The following ZNF676 variants were observed in gnomAD, a reference collection of about 807,000 sequenced individuals.
ZNF676 encodes zinc finger protein 676.
In ZNF676, 4 loss-of-function variants were observed where a neutral mutation model predicts 6.0. The ratio of observed to expected loss-of-function variants is 0.67; its 90% CI spans 0.33 to 1.53. The LOEUF is 1.53. Ranked by LOEUF, ZNF676 falls within the 40% of genes most tolerant of loss-of-function variation. The pLI, the probability that ZNF676 is intolerant of heterozygous loss-of-function variation, is 0.06. For synonymous variants in ZNF676, 198 were observed against 223.1 expected (o/e 0.89, Z 1.00); for missense variants, 644 against 679.7 (o/e 0.95, Z 0.58).
chr19:22,198,511 G>C (rs10409861), upstream of ZNF676, among the ~76,000 whole-genome samples: 687 of 152,136 alleles, frequency 4.5e-3, 5 homozygotes, highest in African/African-American at 0.016. Context: ...ACATGTTTAG[G>C]TGAAAAAGAA....
intron 2 of ZNF676, 48 bp from the exon 3 acceptor site, chr19:22,181,634 T>A: frequency 7.2e-7 from 1 of 1,386,738 alleles, no homozygotes; most frequent in Non-Finnish European, 9.5e-7. Context: ...TAGACTCAGA[T>A]AAGTACAGTT....
the ZNF676 span, among the ~76,000 whole-genome samples, chr19:22,238,755 T>C: frequency 6.6e-6 from 1 of 152,170 alleles, no homozygotes; most frequent in African/African-American, 2.4e-5. Context: ...CCACTCCAAG[T>C]TCCAAAACTG....
chr19:22,241,992 T>A, the ZNF676 span, among the ~76,000 whole-genome samples: 1 of 151,872 alleles, frequency 6.6e-6, no homozygotes, highest in African/African-American at 2.4e-5. Context: ...GGGCCTGTGA[T>A]GACACTCTCT....
chr19:22,236,528 G>A, the ZNF676 span, among the ~76,000 whole-genome samples: 1 of 152,226 alleles, frequency 6.6e-6, no homozygotes, highest in African/African-American at 2.4e-5. Flanking sequence ...AAAGGCCAGA[G>A]ATCTCCTTGG....
the ZNF676 span, among the ~76,000 whole-genome samples, chr19:22,235,737 C>G: frequency 6.6e-6 from 1 of 152,140 alleles, no homozygotes; most frequent in Non-Finnish European, 1.5e-5. Context: ...CGATAGAGGT[C>G]TCTTTGAATA....
At chr19:22,251,967 T>C in the ZNF676 span, among the ~76,000 whole-genome samples, 1 of 152,344 alleles carries the variant, frequency 6.6e-6, no homozygotes, top group South Asian at 2.1e-4. Flanking sequence ...TTGTGGATTA[T>C]ATTGTTGTTG....
intron 1 of ZNF676, among the ~76,000 whole-genome samples, chr19:22,195,337 C>T (rs575388671): frequency 1.3e-5 from 2 of 152,262 alleles, no homozygotes; most frequent in East Asian, 3.9e-4. Flanking sequence ...CGTCTTGGCA[C>T]ATTTTGGGTC....
the ZNF676 span, among the ~76,000 whole-genome samples, chr19:22,221,909 A>G: frequency 1.3e-5 from 2 of 152,020 alleles, no homozygotes; most frequent in Non-Finnish European, 2.9e-5. Flanking sequence ...GTTTAAGACC[A>G]TTGTTTTTTG....
In ZNF676 at chr19:22,179,856, T is replaced by A; in HGVS notation, c.*94A>T. On this transcript the variant is annotated 3_prime_UTR_variant, in exon 3 of 3. Coordinates refer to ENST00000397121, the MANE Select transcript of ZNF676 (RefSeq NM_001001411.3). ...AGGACTGTTTAAAAGCTTTGCCACA[T>A]TCTTCACCTTTGTAGATTTTCTCTC... 1 of 1,395,106 alleles carries A rather than the reference T, an allele frequency of 7.2e-7. No individual in the cohort carries two copies. The allele number at this position is 1,395,106 out of a possible 1,614,324, so 86.4% of individuals were successfully genotyped here.
upstream of ZNF676, among the ~76,000 whole-genome samples, chr19:22,220,364 C>G (rs1330428585): frequency 6.6e-6 from 1 of 151,556 alleles, no homozygotes; most frequent in Admixed American, 6.6e-5. Context: ...TTTTCTCTAT[C>G]TTTTGGAATA....
intron 2 of ZNF676, among the ~76,000 whole-genome samples, chr19:22,188,554 A>G (rs2023867030): frequency 6.6e-6 from 1 of 152,198 alleles, no homozygotes; most frequent in South Asian, 2.1e-4. Context: ...TCAAATAGGA[A>G]AAGAGGAAGT....
chr19:22,210,837 G>A (rs1489833725), intron 1 of ZNF676, among the ~76,000 whole-genome samples: 4 of 152,054 alleles, frequency 2.6e-5, no homozygotes, highest in South Asian at 2.1e-4. Context: ...CTCTCAGTCC[G>A]AGCCACCATA....
chr19:22,203,149 CAGG>C (rs1213349025), intron 1 of ZNF676: 2 of 184,176 alleles, frequency 1.1e-5, no homozygotes, highest in East Asian at 1.9e-4. Flanking sequence ...GCCTGAGCAG[CAGG>C]AGGAGAGCCT....
chr19:22,193,851 G>A (rs1340521320), intron 1 of ZNF676, among the ~76,000 whole-genome samples: 1 of 152,140 alleles, frequency 6.6e-6, no homozygotes, highest in Admixed American at 6.6e-5. Context: ...AAAAGCTAGT[G>A]TGGTTAATAA....
intron 2 of ZNF676, among the ~76,000 whole-genome samples, chr19:22,186,679 T>A (rs1184890239): frequency 1.3e-5 from 2 of 152,112 alleles, no homozygotes; most frequent in African/African-American, 2.4e-5. Context: ...AATAAATTGA[T>A]GGAGGAATAT....
the ZNF676 span, among the ~76,000 whole-genome samples, chr19:22,235,009 AAAG>A: frequency 0.066 from 7,962 of 120,032 alleles, 489 homozygotes; most frequent in South Asian, 0.087. Flanking sequence ...AGAAAGAAAG[AAAG>A]AAAGAAAGAA....
At chr19:22,250,265 G>T in the ZNF676 span, among the ~76,000 whole-genome samples, 3 of 151,384 alleles carry the variant, frequency 2.0e-5, no homozygotes, top group African/African-American at 7.3e-5. Context: ...TTTTAAACAA[G>T]ATTTTTATAT....
At chr19:22,220,214 G>A (rs2024233357), upstream of ZNF676, among the ~76,000 whole-genome samples, 2 of 152,070 alleles carry the variant, frequency 1.3e-5, no homozygotes, top group Non-Finnish European at 2.9e-5. Context: ...GCTGTGTTTG[G>A]TTAGCTAGTA....
chr19:22,208,054 T>C (rs2024094063), intron 1 of ZNF676, among the ~76,000 whole-genome samples: 1 of 150,748 alleles, frequency 6.6e-6, no homozygotes, highest in South Asian at 2.1e-4. Context: ...GTCAAAGATT[T>C]CATGATGAAG....
Sources: gnomAD v4.1 joint callset for allele counts (sites outside exome capture counted in the v4.1 genomes callset) on GRCh38, gnomAD v4.1.1 for gene constraint, MANE v1.5 for transcripts, NCBI Gene and HGNC (gene_info 2026-07-23, HGNC 2026-07-21) for gene names.